The following CLIP4 variants were observed in gnomAD, a reference collection of about 807,000 sequenced individuals.
CLIP4 encodes CAP-Gly domain-containing linker protein 4.
In CLIP4, 47 loss-of-function variants were observed where a neutral mutation model predicts 73.1. The observed-to-expected ratio is 0.64, with a 90% CI of 0.51 to 0.82. CLIP4 has a LOEUF of 0.82. CLIP4 is among the 40% of genes least tolerant of loss of function. The probability of loss-of-function intolerance (pLI) is 0.00; values close to 1 mark genes in which losing one functional copy is unlikely to be tolerated. For missense variants in CLIP4, 874 were observed against 852.9 expected, an observed-to-expected ratio of 1.02 and a Z score of -0.31; for synonymous variants, 306 against 295.4, an observed-to-expected ratio of 1.04 and a Z score of -0.37.
chr2:29,172,190 T>C (rs1449707937), intron 14 of CLIP4, among the ~76,000 whole-genome samples: 2 of 152,178 alleles, frequency 1.3e-5, no homozygotes, highest in Non-Finnish European at 1.5e-5. Context: ...GTCCAGTCTG[T>C]ATTTTATTTC....
chr2:29,156,182 G>C (rs891919814), intron 9 of CLIP4, among the ~76,000 whole-genome samples, 172 bp from the exon 10 acceptor site: 1 of 152,118 alleles, frequency 6.6e-6, no homozygotes, highest in Non-Finnish European at 1.5e-5. Flanking sequence ...TCTCCTTCTC[G>C]TATGCTAGTG....
chr2:29,157,391 CTTGG>C, intron 11 of CLIP4, 44 bp downstream of exon 11: 1 of 1,613,616 alleles, frequency 6.2e-7, no homozygotes, highest in Non-Finnish European at 8.5e-7. Flanking sequence ...TGTTTTTTAT[CTTGG>C]TTTGTTTGTA....
Position 29,153,258 on chromosome 2 carries a change from T to C in CLIP4, c.1165+430T>C, listed in dbSNP as rs2148028879. On this transcript the variant is annotated intron_variant, in intron 9 of 15. Coordinates refer to ENST00000320081, the MANE Select transcript of CLIP4 (RefSeq NM_024692.6). ...TCTCACACGGCTTCCATAGGTGAAC[T>C]ATGGAAGTTCTATGGAAGAACTATG... Among the ~76,000 whole-genome samples the C allele has an allele frequency of 2.0e-5, 3 of 152,236 alleles. 1 individual carries two copies. The highest frequency in any genetic ancestry group is 2.0e-4 in the Admixed American group (3 of 15,288).
At chr2:29,121,740 C>T (rs886385360) in intron 2 of CLIP4, among the ~76,000 whole-genome samples, 4 of 152,218 alleles carry the variant, frequency 2.6e-5, no homozygotes, top group Admixed American at 2.6e-4. Context: ...TTAAAATGTT[C>T]ATTTTAAGCA....
At chr2:29,168,530 T>TG (rs1392039672) in intron 14 of CLIP4, among the ~76,000 whole-genome samples, 1 of 131,074 alleles carries the variant, frequency 7.6e-6, no homozygotes, top group Non-Finnish European at 1.6e-5. Context: ...TTTTTTTTTT[T>TG]TTTTTTTTTT....
intron 2 of CLIP4, among the ~76,000 whole-genome samples, chr2:29,128,420 A>G (rs548378308): frequency 6.6e-6 from 1 of 152,116 alleles, no homozygotes; most frequent in Non-Finnish European, 1.5e-5. Flanking sequence ...ATACAGAGAA[A>G]GCCATGTAGT....
rs540026268 is a variant in CLIP4, at chr2:29,179,087, G to A, written c.1797-2485G>A. On this transcript the variant is annotated intron_variant, in intron 15 of 15. Coordinates refer to ENST00000320081, the MANE Select transcript of CLIP4 (RefSeq NM_024692.6). ...TGGGATTATAGGCATGAGCCACTGC[G>A]CCCAGCCTCTTTTTTTCAGTTTATG... Among the ~76,000 whole-genome samples, 25 of 152,314 alleles carry A rather than the reference G, an allele frequency of 1.6e-4. No homozygotes were observed. In the South Asian group the frequency reaches 4.8e-3, roughly 29 times the overall value.
At chr2:29,130,843 A>G (rs887339596) in intron 2 of CLIP4, 11 of 1,289,478 alleles carry the variant, frequency 8.5e-6, no homozygotes, top group East Asian at 5.5e-5. Context: ...AAAAACCTCA[A>G]TGAGTCCCAC....
At chr2:29,153,925 TTTACAATAAACTGTTAAGTTTC>T (rs1203982602) in intron 9 of CLIP4, among the ~76,000 whole-genome samples, 1 of 152,244 alleles carries the variant, frequency 6.6e-6, no homozygotes, top group African/African-American at 2.4e-5. Context: ...CCGTATACAT[TTTACAATAAACTGTTAAGTTTC>T]CTTTTAAAAA....
intron 6 of CLIP4, among the ~76,000 whole-genome samples, chr2:29,140,878 CT>C (rs1249373126): frequency 6.6e-6 from 1 of 152,108 alleles, no homozygotes; most frequent in Non-Finnish European, 1.5e-5. Flanking sequence ...TAAATGTCTT[CT>C]TTTGAGGAGT....
intron 14 of CLIP4, among the ~76,000 whole-genome samples, chr2:29,173,206 T>C (rs1328252283): frequency 1.3e-5 from 2 of 152,224 alleles, no homozygotes; most frequent in African/African-American, 2.4e-5. Context: ...GACTTTAATT[T>C]ATAGTCTCTG....
chr2:29,171,513 A>G (rs1667999486), intron 14 of CLIP4, among the ~76,000 whole-genome samples: 1 of 146,260 alleles, frequency 6.8e-6, no homozygotes, highest in African/African-American at 2.5e-5. Flanking sequence ...GCATATAGTT[A>G]GGTTTTCCTT....
chr2:29,107,822 G>A (rs1668271737), intron 1 of CLIP4, among the ~76,000 whole-genome samples: 1 of 152,122 alleles, frequency 6.6e-6, no homozygotes, highest in South Asian at 2.1e-4. Flanking sequence ...AAGTAGCTGA[G>A]ACTACAAGCA....
At chr2:29,102,183 A>G (rs1032163092) in intron 1 of CLIP4, among the ~76,000 whole-genome samples, 1 of 152,130 alleles carries the variant, frequency 6.6e-6, no homozygotes, top group Non-Finnish European at 1.5e-5. Flanking sequence ...ATCTCTTCTC[A>G]CTACTAGGGG....
chr2:29,112,431 C>T (rs1362923248), upstream of CLIP4, among the ~76,000 whole-genome samples: 2 of 152,154 alleles, frequency 1.3e-5, no homozygotes, highest in Non-Finnish European at 2.9e-5. Flanking sequence ...AAATTTTCTC[C>T]TTAAAGTTTT....
intron 1 of CLIP4, among the ~76,000 whole-genome samples, chr2:29,102,745 C>A (rs932815780): frequency 1.2e-4 from 19 of 152,078 alleles, no homozygotes; most frequent in Non-Finnish European, 5.9e-5. Flanking sequence ...CCTGCCTTAG[C>A]CTCCTGAGTA....
chr2:29,171,362 G>C (rs1165113911), intron 14 of CLIP4, among the ~76,000 whole-genome samples: 1 of 152,050 alleles, frequency 6.6e-6, no homozygotes, highest in African/African-American at 2.4e-5. Flanking sequence ...ATTAATGTAA[G>C]TGGTGTTGCT....
chr2:29,114,756 C>T (rs767714511), upstream of CLIP4: 1 of 152,334 alleles, frequency 6.6e-6, no homozygotes, highest in Non-Finnish European at 1.5e-5. Context: ...AGTACAGCCT[C>T]TATGAAGCAG....
chr2:29,142,221 G>T (rs1665820479), intron 6 of CLIP4, among the ~76,000 whole-genome samples: 1 of 152,042 alleles, frequency 6.6e-6, no homozygotes, highest in Admixed American at 6.5e-5. Context: ...TTAGAAGAAA[G>T]TGGAATTCCA....
Sources: gnomAD v4.1 joint callset for allele counts (sites outside exome capture counted in the v4.1 genomes callset) on GRCh38, gnomAD v4.1.1 for gene constraint, MANE v1.5 for transcripts, NCBI Gene and HGNC (gene_info 2026-07-23, HGNC 2026-07-21) for gene names.